Variants in GATM observed in about 807,000 individuals in gnomAD.
GATM encodes glycine amidinotransferase, mitochondrial.
GATM carries 23 observed loss-of-function variants against 54.2 expected under a neutral mutation model. The observed-to-expected ratio is 0.42, with a 90% CI of 0.31 to 0.60. GATM has a LOEUF of 0.60. GATM is among the 20% of genes least tolerant of loss of function. The pLI is 0.14. For synonymous variants in GATM, 168 were observed against 183.1 expected, an observed-to-expected ratio of 0.92 and a Z score of 0.67; for missense variants, 401 against 544.9, an observed-to-expected ratio of 0.74 and a Z score of 2.63.
Position 45,364,858 on chromosome 15 carries a change from A to T in GATM, c.981T>A (p.Ile327=). ...TCCATCCTGCTTTCTTGAAAAGATC[A>T]ATCTGTAAGACCAAAAAAAACCCCC... ...LSNPDRPCHQ[I]DLFKKAGWTI... Residue 327 remains isoleucine (I), a splice_region_variant and synonymous_variant, in exon 7 of 9, where the codon ATT becomes ATA. Coordinates refer to ENST00000396659, the MANE Select transcript of GATM (RefSeq NM_001482.3). 1 of 1,613,870 alleles carries T rather than the reference A, an allele frequency of 6.2e-7. No individual in the cohort carries two copies.
chr15:45,369,609 A>G lies in GATM; in HGVS notation c.289-88T>C, dbSNP rs187834189. 7.6e-5 allele frequency: 90 copies of G among 1,185,644 alleles called. 2 individuals are homozygous for G. In the Admixed American group the frequency reaches 1.7e-3, roughly 23 times the overall value. 73.4% of individuals were successfully genotyped at this position (1,185,644 alleles called of 1,614,324 possible). ...ATAGGCAGTAAACAGCTCTTTGTAT[A>G]AGGTATTGGAATTGAGACTCCAACC... On this transcript the variant is annotated intron_variant, in intron 2 of 8. Coordinates refer to ENST00000396659, the MANE Select transcript of GATM (RefSeq NM_001482.3).
intron 2 of GATM, among the ~76,000 whole-genome samples, chr15:45,370,453 T>C (rs1724262921): frequency 6.6e-6 from 1 of 151,940 alleles, no homozygotes. Context: ...GAATTAACAC[T>C]TGCCAAAATT....
intron 2 of GATM, among the ~76,000 whole-genome samples, chr15:45,370,015 GA>G (rs1347713936): frequency 6.6e-6 from 1 of 150,728 alleles, no homozygotes; most frequent in African/African-American, 2.4e-5. Context: ...TTTGTGAAGG[GA>G]AAAAAAAAGA....
At chr15:45,386,834 T>C (rs1322227258) in intron 3 of GATM, among the ~76,000 whole-genome samples, 2 of 152,210 alleles carry the variant, frequency 1.3e-5, no homozygotes, top group African/African-American at 2.4e-5. Flanking sequence ...CCTCCACTTA[T>C]GGTCATTTAA....
chr15:45,369,201 T>G (rs1356935279), intron 3 of GATM, 125 bp downstream of exon 3: 5 of 746,344 alleles, frequency 6.7e-6, no homozygotes, highest in Non-Finnish European at 9.2e-6. Context: ...AATAAATCTT[T>G]AAAGTTTTCA....
upstream of GATM, chr15:45,378,997 C>CG (rs1766514643): frequency 6.6e-6 from 1 of 152,154 alleles, no homozygotes; most frequent in South Asian, 2.1e-4. Flanking sequence ...GGTGCAACAT[C>CG]GGGTTTGAGA....
chr15:45,400,952 G>A (rs899723737), intron 1 of GATM, among the ~76,000 whole-genome samples: 3 of 138,176 alleles, frequency 2.2e-5, no homozygotes, highest in African/African-American at 9.4e-5. Flanking sequence ...TTTAGGGGTC[G>A]GTAAAAACGA....
At chr15:45,376,381 G>T (rs1003459454) in intron 2 of GATM, among the ~76,000 whole-genome samples, 3 of 152,158 alleles carry the variant, frequency 2.0e-5, no homozygotes, top group Non-Finnish European at 2.9e-5. Context: ...TCCCAGAAAA[G>T]CTCTCTCAGA....
intron 8 of GATM, chr15:45,363,657 A>T: frequency 5.3e-6 from 3 of 570,910 alleles, no homozygotes; most frequent in Non-Finnish European, 9.3e-6. Flanking sequence ...GCTAAGTCAT[A>T]TAAGATTTAT....
chr15:45,374,014 TATA>T (rs1198654457), intron 2 of GATM, among the ~76,000 whole-genome samples: 1 of 151,932 alleles, frequency 6.6e-6, no homozygotes, highest in East Asian at 1.9e-4. Context: ...TCCATACAAC[TATA>T]ATAAGTTGTT....
chr15:45,366,236 T>C (rs753393267), intron 5 of GATM, 26 bp from the exon 6 acceptor site: 1 of 1,613,520 alleles, frequency 6.2e-7, no homozygotes, highest in South Asian at 1.1e-5. Context: ...AGACATACGA[T>C]CGATAAATAT....
At chr15:45,378,877 TA>T (rs1185864840), upstream of GATM, 1 of 160,702 alleles carries the variant, frequency 6.2e-6, no homozygotes, top group African/African-American at 2.4e-5. Context: ...TTTGAGAATT[TA>T]AATATGCAAA....
intron 2 of GATM, chr15:45,399,502 C>T (rs1466021749): frequency 6.6e-6 from 1 of 152,536 alleles, no homozygotes; most frequent in African/African-American, 2.4e-5. Context: ...TCCCTTCCAC[C>T]ATGTGCAGGT....
chr15:45,361,566 A>G lies in GATM; in HGVS notation c.*543T>C. 1 of 177,820 alleles carries G rather than the reference A, an allele frequency of 5.6e-6. No homozygotes were observed. The highest frequency in any genetic ancestry group is 1.2e-5 in the Non-Finnish European group (1 of 85,658). The allele number at this position is 177,820 out of a possible 1,614,324, so 11.0% of individuals were successfully genotyped here. On this transcript the variant is annotated 3_prime_UTR_variant, in exon 9 of 9. Transcript: ENST00000396659. ...AAAAACAAAAAATTAAAAATTACCC[A>G]AATTCCTTATTAGAAAAAGAGACAA... is the stretch of plus-strand genomic sequence containing the variant.
chr15:45,363,790 A>C (rs183265619), intron 8 of GATM, 110 bp downstream of exon 8: 1 of 734,082 alleles, frequency 1.4e-6, no homozygotes, highest in East Asian at 2.6e-5. Flanking sequence ...CTCTAAAAGG[A>C]ATCAAAATTG....
chr15:45,366,260 T>C (rs750148049), intron 5 of GATM, 50 bp from the exon 6 acceptor site: 2 of 1,610,806 alleles, frequency 1.2e-6, no homozygotes, highest in Middle Eastern at 1.7e-4. Flanking sequence ...GTTCTATGTC[T>C]AGAAAACTAA....
chr15:45,398,958 T>G (rs916174778), intron 2 of GATM, among the ~76,000 whole-genome samples: 2 of 152,216 alleles, frequency 1.3e-5, no homozygotes, highest in African/African-American at 4.8e-5. Flanking sequence ...TTCCAATTAT[T>G]TCTTTTGAAT....
chr15:45,380,989 G>A (rs1889733677), upstream of GATM, among the ~76,000 whole-genome samples: 1 of 151,834 alleles, frequency 6.6e-6, no homozygotes, highest in Non-Finnish European at 1.5e-5. Flanking sequence ...GAAAAAATTT[G>A]GTAACAATTT....
chr15:45,364,041 C>T, intron 7 of GATM, 25 bp from the exon 8 acceptor site: 1 of 1,290,806 alleles, frequency 7.7e-7, no homozygotes, highest in Admixed American at 1.7e-5. Context: ...AACTGTTAAA[C>T]CATGTCCGCT....
Sources: allele counts gnomAD v4.1 joint callset (sites outside exome capture counted in the v4.1 genomes callset), GRCh38; gene constraint gnomAD v4.1.1; transcripts MANE v1.5; gene names NCBI Gene and HGNC (gene_info 2026-07-23, HGNC 2026-07-21).